TENM3: variants seen among roughly 807,000 people sequenced by gnomAD.
TENM3 encodes teneurin transmembrane protein 3.
A neutral mutation model predicts 255.1 loss-of-function variants in TENM3; 63 were observed. The observed-to-expected ratio is 0.25, with a 90% CI of 0.20 to 0.30. The LOEUF (loss-of-function observed/expected upper bound fraction) is 0.30, where lower values mean the gene tolerates loss of function less well. Ranked by LOEUF, TENM3 falls within the 10% of genes least tolerant of loss-of-function variation. The probability of loss-of-function intolerance (pLI) is 1.00; values close to 1 mark genes in which losing one functional copy is unlikely to be tolerated. For missense variants in TENM3, 2,929 were observed against 3,461.1 expected (o/e 0.85, Z 3.86); for synonymous variants, 1,306 against 1,322.3 (o/e 0.99, Z 0.27).
chr4:182,531,057 G>A (rs1739730058), intron 3 of TENM3, among the ~76,000 whole-genome samples: 1 of 136,024 alleles, frequency 7.4e-6, no homozygotes, highest in Non-Finnish European at 1.6e-5. Context: ...GAAAAGAGTG[G>A]TCTCGAAACC....
chr4:181,547,826 C>CT, the TENM3 span, among the ~76,000 whole-genome samples: 5 of 151,006 alleles, frequency 3.3e-5, no homozygotes, highest in African/African-American at 1.2e-4. Flanking sequence ...TTTTATTATA[C>CT]TTTAAGTTTT....
chr4:181,605,580 GAAAGGAAAGAAAGAAA>G, the TENM3 span, among the ~76,000 whole-genome samples: 52 of 31,348 alleles, frequency 1.7e-3, 2 homozygotes, highest in Middle Eastern at 0.023. Context: ...GAGAGAGAAA[GAAAGGAAAGAAAGAAA>G]GAAAGAAAGA....
chr4:181,449,543 G>A, the TENM3 span, among the ~76,000 whole-genome samples: 3 of 152,250 alleles, frequency 2.0e-5, no homozygotes, highest in Non-Finnish European at 2.9e-5. Flanking sequence ...CAACACTTTC[G>A]GAGACCGAGG....
rs566038961 is a variant in TENM3, at chr4:182,702,893, T to C, written c.2222-11194T>C. Among the ~76,000 whole-genome samples the C allele has an allele frequency of 1.2e-3, 183 of 148,900 alleles. 1 individual carries two copies. Among genetic ancestry groups the C allele is most frequent in the African/African-American group, 4.1e-3 (162 of 39,056 alleles). On this transcript the variant is annotated intron_variant, in intron 12 of 27. Coordinates refer to ENST00000511685, the MANE Select transcript of TENM3 (RefSeq NM_001080477.4). ...CTGGGACTACAGGCGCCCACCACCATGCCCGGCTAATTTTTTGTATTTTTA... is the reference window on the plus strand; with the variant it reads ...CTGGGACTACAGGCGCCCACCACCACGCCCGGCTAATTTTTTGTATTTTTA...
At chr4:182,341,184 A>G (rs1764465400) in intron 2 of TENM3, among the ~76,000 whole-genome samples, 1 of 152,188 alleles carries the variant, frequency 6.6e-6, no homozygotes, top group African/African-American at 2.4e-5. Context: ...TTAAACAGCA[A>G]ATCAAGAAAA....
chr4:181,739,387 G>A, the TENM3 span, among the ~76,000 whole-genome samples: 62 of 152,202 alleles, frequency 4.1e-4, no homozygotes, highest in Admixed American at 9.8e-4. Flanking sequence ...GAGACCCTTC[G>A]AACTGTTGCC....
intron 1 of TENM3, among the ~76,000 whole-genome samples, chr4:182,284,980 A>T (rs866071955): frequency 6.6e-6 from 1 of 152,172 alleles, no homozygotes; most frequent in Non-Finnish European, 1.5e-5. Flanking sequence ...TCAAAGAGGC[A>T]CAAGTTAATA....
chr4:181,760,195 T>G, the TENM3 span, among the ~76,000 whole-genome samples: 1 of 151,062 alleles, frequency 6.6e-6, no homozygotes. Flanking sequence ...TTCCCCCTCT[T>G]CCTCCAAAAA....
the TENM3 span, among the ~76,000 whole-genome samples, chr4:181,662,507 C>T: frequency 1.3e-5 from 2 of 152,306 alleles, no homozygotes; most frequent in East Asian, 1.9e-4. Flanking sequence ...GTCCTTCTCT[C>T]GGATATTGGC....
the TENM3 span, among the ~76,000 whole-genome samples, chr4:182,100,678 T>C: frequency 7.6e-4 from 26 of 34,134 alleles, no homozygotes; most frequent in South Asian, 1.4e-3. Flanking sequence ...CACATATATA[T>C]ACACACATAT....
At chr4:182,224,193 A>G (rs897313633) in intron 1 of TENM3, among the ~76,000 whole-genome samples, 4 of 152,224 alleles carry the variant, frequency 2.6e-5, no homozygotes. Context: ...TGATGGGCAC[A>G]TGAGGTCCTT....
the TENM3 span, among the ~76,000 whole-genome samples, chr4:181,707,692 T>A: frequency 6.6e-6 from 1 of 152,170 alleles, no homozygotes; most frequent in Non-Finnish European, 1.5e-5. Context: ...ACCTCAACCC[T>A]CCATATTTTT....
the TENM3 span, among the ~76,000 whole-genome samples, chr4:181,707,927 A>G: frequency 6.6e-6 from 1 of 152,362 alleles, no homozygotes; most frequent in South Asian, 2.1e-4. Flanking sequence ...AATAAAGGCT[A>G]TAGCAGAAGT....
chr4:182,022,183 A>AAAT, the TENM3 span, among the ~76,000 whole-genome samples: 3 of 152,112 alleles, frequency 2.0e-5, no homozygotes, highest in African/African-American at 7.2e-5. Flanking sequence ...AAAAAAAAAA[A>AAAT]ATGTGGTACA....
the TENM3 span, among the ~76,000 whole-genome samples, chr4:181,579,334 T>C: frequency 6.6e-6 from 1 of 152,140 alleles, no homozygotes; most frequent in Admixed American, 6.5e-5. Flanking sequence ...GTTTGCAAAC[T>C]GTTCTGTCCA....
chr4:182,377,391 G>GC (rs1417668113), intron 3 of TENM3, among the ~76,000 whole-genome samples: 1 of 152,100 alleles, frequency 6.6e-6, no homozygotes, highest in Non-Finnish European at 1.5e-5. Flanking sequence ...TCGGCTCACT[G>GC]CAACCTCCAC....
chr4:182,063,925 A>T, the TENM3 span, among the ~76,000 whole-genome samples: 2 of 152,212 alleles, frequency 1.3e-5, no homozygotes, highest in Non-Finnish European at 2.9e-5. Context: ...GAAGGCATTC[A>T]TGGAGTTGGC....
At chr4:181,884,904 A>G in the TENM3 span, among the ~76,000 whole-genome samples, 80 of 152,194 alleles carry the variant, frequency 5.3e-4, no homozygotes, top group African/African-American at 1.9e-3. Flanking sequence ...GCAATTTTCC[A>G]TATGGAAAAT....
At chr4:181,625,576 G>A in the TENM3 span, among the ~76,000 whole-genome samples, 3 of 152,070 alleles carry the variant, frequency 2.0e-5, no homozygotes, top group Non-Finnish European at 2.9e-5. Flanking sequence ...ACTTTTGGAG[G>A]CCAAGGCATG....
Sources: gnomAD v4.1 joint callset for allele counts (sites outside exome capture counted in the v4.1 genomes callset) on GRCh38, gnomAD v4.1.1 for gene constraint, MANE v1.5 for transcripts, NCBI Gene and HGNC (gene_info 2026-07-23, HGNC 2026-07-21) for gene names.